KIAA0825: variants seen among roughly 807,000 people sequenced by gnomAD.
KIAA0825 encodes the protein uncharacterized protein KIAA0825.
Under a neutral mutation model 147.6 loss-of-function variants are expected in KIAA0825, and 119 were observed. The observed-to-expected ratio is 0.81, with a 90% CI of 0.69 to 0.94. The LOEUF (loss-of-function observed/expected upper bound fraction) is 0.94, where lower values mean the gene tolerates loss of function less well. Ranked by LOEUF, KIAA0825 falls within the 40% of genes least tolerant of loss-of-function variation. KIAA0825 has a pLI of 0.00. For missense variants in KIAA0825, 1,381 were observed against 1,472.7 expected, an observed-to-expected ratio of 0.94 and a Z score of 1.02; for synonymous variants, 470 against 518.1, an observed-to-expected ratio of 0.91 and a Z score of 1.26.
In KIAA0825 at chr5:94,221,424, C is replaced by T. The variant is rs1161040371; in HGVS notation, c.3711-67300G>A. On this transcript the variant is annotated intron_variant, in intron 20 of 20. Transcript: ENST00000682413. ...ATTACTTCTGTAAAATCAGACATGGCCAATATATGCACCCAGACCCTCCTT... is the reference window on the plus strand; with the variant it reads ...ATTACTTCTGTAAAATCAGACATGGTCAATATATGCACCCAGACCCTCCTT... Among the ~76,000 whole-genome samples the T allele has an allele frequency of 3.3e-5, 5 of 152,292 alleles. No homozygotes were observed. In the East Asian group the frequency reaches 9.6e-4, roughly 29 times the overall value.
At chr5:94,593,294 T>G (rs1021347927) in intron 1 of KIAA0825, 1 of 780,120 alleles carries the variant, frequency 1.3e-6, no homozygotes, top group Non-Finnish European at 2.4e-6. Context: ...ATGGGAAAAA[T>G]AGCTGATATT....
At chr5:94,254,563 G>A (rs2881301) in intron 20 of KIAA0825, among the ~76,000 whole-genome samples, 1 of 151,942 alleles carries the variant, frequency 6.6e-6, no homozygotes, top group Non-Finnish European at 1.5e-5. Flanking sequence ...GAGACTTTTT[G>A]ATTTTTTTGC....
At chr5:94,463,065 C>T (rs865928643) in intron 11 of KIAA0825, among the ~76,000 whole-genome samples, 3 of 151,754 alleles carry the variant, frequency 2.0e-5, no homozygotes, top group Non-Finnish European at 4.4e-5. Context: ...AAATGACAAA[C>T]GAAGCTCAAA....
chr5:94,477,052 C>A, intron 7 of KIAA0825, 59 bp downstream of exon 7: 2 of 1,170,692 alleles, frequency 1.7e-6, no homozygotes, highest in South Asian at 1.4e-5. Context: ...ATAATGGATT[C>A]ACAGGCATAT....
intron 16 of KIAA0825, among the ~76,000 whole-genome samples, chr5:94,402,845 A>C (rs1751562616): frequency 6.6e-6 from 1 of 151,982 alleles, no homozygotes; most frequent in Non-Finnish European, 1.5e-5. Flanking sequence ...TAATCAAAAG[A>C]TTCACGAATA....
intron 5 of KIAA0825, among the ~76,000 whole-genome samples, chr5:94,499,277 C>T (rs1764745429): frequency 6.6e-6 from 1 of 152,230 alleles, no homozygotes; most frequent in African/African-American, 2.4e-5. Context: ...TGTTTTGTGC[C>T]TTCCAAGTAA....
chr5:94,193,056 G>C (rs771301241), intron 20 of KIAA0825, among the ~76,000 whole-genome samples: 4 of 152,128 alleles, frequency 2.6e-5, no homozygotes, highest in South Asian at 2.1e-4. Context: ...GCTCCCCCTA[G>C]TTGATTTGAG....
intron 20 of KIAA0825, among the ~76,000 whole-genome samples, chr5:94,218,063 T>A (rs939268535): frequency 6.6e-6 from 1 of 152,150 alleles, no homozygotes; most frequent in Non-Finnish European, 1.5e-5. Context: ...ACGTAGGTAT[T>A]CTAAAAATGA....
At chr5:94,199,588 G>A (rs1771469221) in intron 20 of KIAA0825, among the ~76,000 whole-genome samples, 2 of 152,178 alleles carry the variant, frequency 1.3e-5, no homozygotes, top group Non-Finnish European at 2.9e-5. Flanking sequence ...CAGTGGGGAA[G>A]TTGGGGGACC....
intron 20 of KIAA0825, among the ~76,000 whole-genome samples, chr5:94,242,542 T>C (rs5004465): frequency 0.86 from 130,897 of 152,118 alleles, 56,430 homozygotes; most frequent in East Asian, 0.9. Flanking sequence ...TCTCCTTGTA[T>C]ATTTTTCTTT....
chr5:94,389,619 T>G (rs1411081038), intron 18 of KIAA0825, among the ~76,000 whole-genome samples: 1 of 152,196 alleles, frequency 6.6e-6, no homozygotes, highest in African/African-American at 2.4e-5. Flanking sequence ...ACTATTTACA[T>G]TACATTCTTG....
intron 20 of KIAA0825, among the ~76,000 whole-genome samples, chr5:94,263,147 T>G (rs992212711): frequency 6.6e-6 from 1 of 152,100 alleles, no homozygotes; most frequent in Non-Finnish European, 1.5e-5. Context: ...GAAAGAAATA[T>G]AAAAACCAAG....
At chr5:94,320,273 T>A (rs1480836152) in intron 20 of KIAA0825, among the ~76,000 whole-genome samples, 1 of 152,036 alleles carries the variant, frequency 6.6e-6, no homozygotes, top group African/African-American at 2.4e-5. Flanking sequence ...TATGTAATGA[T>A]CAAGTTAGGA....
chr5:94,515,782 ACT>A (rs1008930528), intron 5 of KIAA0825, among the ~76,000 whole-genome samples: 8 of 149,718 alleles, frequency 5.3e-5, no homozygotes, highest in African/African-American at 1.5e-4. Context: ...ACAGAGGGAG[ACT>A]CTGTCTCAAA....
At chr5:94,299,241 G>A (rs1778272762) in intron 20 of KIAA0825, among the ~76,000 whole-genome samples, 1 of 151,940 alleles carries the variant, frequency 6.6e-6, no homozygotes, top group Admixed American at 6.6e-5. Flanking sequence ...TTTAGCGACA[G>A]AATCTTGCTC....
chr5:94,197,253 C>T (rs1352474070), intron 20 of KIAA0825, among the ~76,000 whole-genome samples: 1 of 152,012 alleles, frequency 6.6e-6, no homozygotes, highest in Non-Finnish European at 1.5e-5. Context: ...GCTTGTTGGC[C>T]ATGTGTATGT....
intron 1 of KIAA0825, among the ~76,000 whole-genome samples, chr5:94,602,480 A>T (rs1786669511): frequency 6.6e-6 from 1 of 152,182 alleles, no homozygotes; most frequent in Non-Finnish European, 1.5e-5. Flanking sequence ...CCCCATCCAA[A>T]TCTCATCTTG....
At chr5:94,542,801 C>T (rs1429558990) in intron 2 of KIAA0825, among the ~76,000 whole-genome samples, 1 of 151,460 alleles carries the variant, frequency 6.6e-6, no homozygotes, top group Non-Finnish European at 1.5e-5. Context: ...AGCGAGATTC[C>T]CTCTCAAAAA....
At chr5:94,278,383 A>G (rs776570220) in intron 20 of KIAA0825, among the ~76,000 whole-genome samples, 1 of 152,162 alleles carries the variant, frequency 6.6e-6, no homozygotes. Context: ...ACATTTCACA[A>G]TTTGTTTGCA....
Sources: allele counts gnomAD v4.1 joint callset (sites outside exome capture counted in the v4.1 genomes callset), GRCh38; gene constraint gnomAD v4.1.1; transcripts MANE v1.5; gene names NCBI Gene and HGNC (gene_info 2026-07-23, HGNC 2026-07-21).